BNIP1: variants seen among roughly 807,000 people sequenced by gnomAD.
BNIP1 encodes the protein BCL2 interacting protein 1, also known as vesicle transport protein SEC20.
A neutral mutation model predicts 28.5 loss-of-function variants in BNIP1; 25 were observed. The observed-to-expected ratio is 0.88, with a 90% CI of 0.64 to 1.23. BNIP1 has a LOEUF of 1.23. Ranked by LOEUF, BNIP1 falls within the 50% of genes most tolerant of loss-of-function variation. The pLI is 0.00. For synonymous variants in BNIP1, 118 were observed against 101.7 expected (o/e 1.16, Z -0.96); for missense variants, 276 against 277.0 (o/e 1.00, Z 0.02).
chr5:173,155,553 C>T (rs1311604296), intron 3 of BNIP1, among the ~76,000 whole-genome samples: 3 of 152,058 alleles, frequency 2.0e-5, no homozygotes, highest in Admixed American at 6.6e-5. Context: ...CAAAAATTAG[C>T]CGGGTGTGGT....
chr5:173,162,648 A>T lies in BNIP1; in HGVS notation c.491-1077A>T, dbSNP rs1760396452. Among the ~76,000 whole-genome samples, 4 of 152,110 alleles carry T rather than the reference A, an allele frequency of 2.6e-5. No individual in the cohort carries two copies. In the South Asian group the frequency reaches 8.3e-4, roughly 32 times the overall value. ...CATCTCAAAAAAAAAAAGAAAAGAA[A>T]CATTGTGTGGGTTTGACACTTACAT... On this transcript the variant is annotated intron_variant, in intron 5 of 5. Coordinates refer to ENST00000351486, the MANE Select transcript of BNIP1 (RefSeq NM_001205.3).
chr5:173,146,790 C>A (rs760258599), intron 1 of BNIP1, 76 bp from the exon 2 acceptor site: 7 of 1,150,544 alleles, frequency 6.1e-6, no homozygotes, highest in Non-Finnish European at 6.5e-6. Context: ...TCTAAACCAA[C>A]TCTATCACTG....
chr5:173,150,257 C>G, intron 2 of BNIP1, among the ~76,000 whole-genome samples: 1 of 74,316 alleles, frequency 1.3e-5, no homozygotes, highest in South Asian at 4.7e-4. Flanking sequence ...GACCCTGTCT[C>G]AAAAAAAAAA....
intron 5 of BNIP1, among the ~76,000 whole-genome samples, chr5:173,162,525 A>C (rs1760392622): frequency 1.3e-5 from 2 of 152,174 alleles, no homozygotes; most frequent in South Asian, 4.2e-4. Flanking sequence ...GCTACTGGGG[A>C]GGCTGAGGCA....
intron 1 of BNIP1, 113 bp downstream of exon 1, chr5:173,144,742 A>T: frequency 9.0e-7 from 1 of 1,111,616 alleles, no homozygotes; most frequent in Non-Finnish European, 1.3e-6. Flanking sequence ...CCCAGACCAC[A>T]GGCTCCGCCC....
intron 2 of BNIP1, among the ~76,000 whole-genome samples, chr5:173,147,188 C>T (rs566649798): frequency 5.3e-5 from 8 of 152,194 alleles, no homozygotes; most frequent in Admixed American, 2.6e-4. Context: ...GGGGAGATCA[C>T]GAGGTCAGGA....
At chr5:173,151,586 A>G (rs1311483240) in intron 2 of BNIP1, 11 of 1,605,138 alleles carry the variant, frequency 6.9e-6, no homozygotes, top group Non-Finnish European at 9.3e-6. Flanking sequence ...ATCAAAGGGC[A>G]TTTATTTGGA....
intron 2 of BNIP1, among the ~76,000 whole-genome samples, chr5:173,149,812 T>C (rs1759964330): frequency 2.0e-5 from 3 of 152,074 alleles, no homozygotes; most frequent in Admixed American, 1.3e-4. Flanking sequence ...GAGAGCTCAC[T>C]TACCACTAAG....
At chr5:173,158,870 G>C (rs1442296964) in intron 4 of BNIP1, 25 bp downstream of exon 4, 4 of 1,577,354 alleles carry the variant, frequency 2.5e-6, no homozygotes. Context: ...ATTTTTCTGG[G>C]CTCCGATAAT....
At chr5:173,153,069 T>C (rs906559397) in intron 2 of BNIP1, among the ~76,000 whole-genome samples, 4 of 151,914 alleles carry the variant, frequency 2.6e-5, no homozygotes, top group African/African-American at 4.8e-5. Context: ...CCCTAACTTA[T>C]AGTGGGTTAT....
Position 173,158,834 on chromosome 5 carries a change from C to G in BNIP1, c.360C>G (p.Leu120=), listed in dbSNP as rs1433122612. 6.2e-7 allele frequency: 1 copy of G among 1,613,106 alleles called. No individual in the cohort carries two copies. Among genetic ancestry groups the G allele is most frequent in the South Asian group, 1.1e-5 (1 of 91,008 alleles). ...EKAELLQGGD[L]LRQRKTTKES... is the part of the protein sequence containing the mutation. Reference sequence around the variant, plus strand: ...CAGAACTTCTTCAGGGAGGAGATCTCTTAAGGCAAAGGTACCTATTCTTTT... The same window carrying G: ...CAGAACTTCTTCAGGGAGGAGATCTGTTAAGGCAAAGGTACCTATTCTTTT... The change falls in exon 4 of 6, where the codon CTC becomes CTG. Residue 120 remains leucine, a synonymous_variant. Coordinates refer to ENST00000351486, the MANE Select transcript of BNIP1 (RefSeq NM_001205.3).
chr5:173,162,844 A>G (rs1023100248), intron 5 of BNIP1, among the ~76,000 whole-genome samples: 1 of 152,148 alleles, frequency 6.6e-6, no homozygotes, highest in South Asian at 2.1e-4. Flanking sequence ...CCTCTGGTCC[A>G]CTTCCCAGAG....
At chr5:173,162,748 T>C (rs1473793927) in intron 5 of BNIP1, among the ~76,000 whole-genome samples, 1 of 152,162 alleles carries the variant, frequency 6.6e-6, no homozygotes. Flanking sequence ...GCTGCCATAT[T>C]GGTCAGCACA....
At chr5:173,160,976 C>T (rs5745163) in intron 5 of BNIP1, 132 of 391,864 alleles carry the variant, frequency 3.4e-4, no homozygotes, top group South Asian at 2.2e-3. Context: ...AGAAAAAGGG[C>T]GTTTACTCCT....
rs1285365607 is a variant in BNIP1 at position 173,158,886 on chromosome 5, A to T, written c.371+41A>T. On this transcript the variant is annotated intron_variant, in intron 4 of 5. Transcript: ENST00000351486. ...TTTTTCTGGGCTCCGATAATAATAGATAACAATTGGCAAGGTGTAGGAAAC... is the reference window on the plus strand; with the variant it reads ...TTTTTCTGGGCTCCGATAATAATAGTTAACAATTGGCAAGGTGTAGGAAAC... 3.9e-6 allele frequency: 6 copies of T among 1,521,260 alleles called. No individual in the cohort carries two copies. The African/African-American group carries it at 6.9e-5, about 18-fold the overall frequency. The allele number at this position is 1,521,260 out of a possible 1,614,324, so 94.2% of individuals were successfully genotyped here.
chr5:173,144,566 C>T lies in BNIP1; in HGVS notation c.21C>T (p.Val7=), dbSNP rs1759775369. ...CCAACATGGCGGCTCCCCAAGACGT[C>T]CACGTCCGGATCTGTAACCAAGAGA... is the stretch of plus-strand genomic sequence containing the variant. MAAPQD[V]HVRICNQEIV... is the part of the protein sequence containing the mutation. Residue 7 remains valine (V), a synonymous_variant, in exon 1 of 6, where the codon GTC becomes GTT. Transcript: ENST00000351486. 1.2e-6 allele frequency: 2 copies of T among 1,614,158 alleles called. No individual in the cohort carries two copies. Among genetic ancestry groups the T allele is most frequent in the Non-Finnish European group, 8.5e-7 (1 of 1,180,000 alleles).
chr5:173,158,182 C>G (rs1016294249), intron 3 of BNIP1, among the ~76,000 whole-genome samples: 1 of 151,760 alleles, frequency 6.6e-6, no homozygotes, highest in African/African-American at 2.4e-5. Context: ...CCCCCCACCT[C>G]GGCCTCCTAA....
chr5:173,162,779 G>T (rs1007434733), intron 5 of BNIP1, among the ~76,000 whole-genome samples: 3 of 152,086 alleles, frequency 2.0e-5, no homozygotes, highest in Admixed American at 1.3e-4. Flanking sequence ...GTACAAAAGG[G>T]ACACAAAAAA....
At chr5:173,160,243 T>C (rs1760324034) in intron 5 of BNIP1, among the ~76,000 whole-genome samples, 192 bp downstream of exon 5, 1 of 151,808 alleles carries the variant, frequency 6.6e-6, no homozygotes, top group African/African-American at 2.4e-5. Context: ...ATTTCTCTTT[T>C]TTTTTTTTGA....
Sources: gnomAD v4.1 joint callset for allele counts (sites outside exome capture counted in the v4.1 genomes callset) on GRCh38, gnomAD v4.1.1 for gene constraint, MANE v1.5 for transcripts, NCBI Gene and HGNC (gene_info 2026-07-23, HGNC 2026-07-21) for gene names.